Variants in DMD observed in about 807,000 individuals in gnomAD.
The protein encoded by DMD is dystrophin.
In DMD, 63 loss-of-function variants were observed where a neutral mutation model predicts 330.1. The ratio of observed to expected loss-of-function variants is 0.19; its 90% CI spans 0.16 to 0.24. The LOEUF is 0.24. Ranked by LOEUF, DMD falls within the 10% of genes least tolerant of loss-of-function variation. DMD has a pLI of 1.00. For missense variants in DMD, 3,344 were observed against 2,684.1 expected, an observed-to-expected ratio of 1.25 and a Z score of -5.43; for synonymous variants, 1,223 against 959.8, an observed-to-expected ratio of 1.27 and a Z score of -5.07.
intron 7 of DMD, among the ~76,000 whole-genome samples, chrX:32,733,500 C>A (rs752146964): frequency 1.1e-4 from 12 of 110,833 alleles, no homozygotes; most frequent in African/African-American, 1.7e-4. Context: ...CACAACTGAC[C>A]ACATACTTGG....
At chrX:31,303,326 T>G (rs2054795023) in intron 62 of DMD, among the ~76,000 whole-genome samples, 1 of 111,180 alleles carries the variant, frequency 9.0e-6, no homozygotes, top group African/African-American at 3.3e-5. Flanking sequence ...AGGTGCACAC[T>G]ATCTGTCTAT....
intron 44 of DMD, among the ~76,000 whole-genome samples, chrX:32,149,130 C>T (rs762159665): frequency 1.4e-4 from 16 of 111,761 alleles, no homozygotes; most frequent in African/African-American, 4.2e-4. Context: ...ATTCATCTTT[C>T]TTAAATTGAT....
At chrX:32,129,714 A>AGAGAGG (rs1308317038) in intron 44 of DMD, among the ~76,000 whole-genome samples, 3 of 50,870 alleles carry the variant, frequency 5.9e-5, no homozygotes, top group African/African-American at 1.7e-4. Flanking sequence ...ATGGAGAGAG[A>AGAGAGG]GAGAGAGAGG....
chrX:33,210,200 C>A (rs2051819364), intron 1 of DMD, among the ~76,000 whole-genome samples: 1 of 110,032 alleles, frequency 9.1e-6, no homozygotes, highest in South Asian at 3.8e-4. Flanking sequence ...AACTTATTTC[C>A]ACAAAGTTTT....
chrX:31,268,582 T>G (rs776161168), intron 62 of DMD, among the ~76,000 whole-genome samples: 2 of 111,654 alleles, frequency 1.8e-5, no homozygotes, highest in East Asian at 2.8e-4. Context: ...AGTTGTCCCT[T>G]GGTCTAATAG....
At chrX:32,989,958 A>C (rs2092934276) in intron 2 of DMD, among the ~76,000 whole-genome samples, 1 of 111,659 alleles carries the variant, frequency 9.0e-6, no homozygotes, top group Admixed American at 9.6e-5. Context: ...CCTTAGCCTA[A>C]AGGTTTCATA....
At chrX:32,566,258 G>A (rs1351848510) in intron 15 of DMD, among the ~76,000 whole-genome samples, 3 of 111,821 alleles carry the variant, frequency 2.7e-5, no homozygotes, top group Admixed American at 1.9e-4. Flanking sequence ...AATTCCTGAC[G>A]GAATTCAAAC....
chrX:31,241,163 T>G (rs1350301352), intron 63 of DMD, among the ~76,000 whole-genome samples: 2 of 111,654 alleles, frequency 1.8e-5, no homozygotes, highest in Non-Finnish European at 3.8e-5. Context: ...TGGACCAAAC[T>G]CTTTCTTCGG....
At chrX:32,949,288 A>ACG (rs1569545049) in intron 2 of DMD, among the ~76,000 whole-genome samples, 1 of 97,716 alleles carries the variant, frequency 1.0e-5, no homozygotes, top group Non-Finnish European at 2.1e-5. Context: ...ACACACACAC[A>ACG]CACGCACACA....
At chrX:31,933,300 T>G in intron 45 of DMD, among the ~76,000 whole-genome samples, 1 of 111,707 alleles carries the variant, frequency 9.0e-6, no homozygotes, top group East Asian at 2.8e-4. Flanking sequence ...ACTAAATTAT[T>G]ACATGCTAAA....
At chrX:33,056,222 C>CGCATGGTCCTCATCAA (rs1437760863) in intron 1 of DMD, among the ~76,000 whole-genome samples, 2 of 110,907 alleles carry the variant, frequency 1.8e-5, no homozygotes, top group Non-Finnish European at 1.9e-5. Context: ...TAGAAAGTCC[C>CGCATGGTCCTCATCAA]GCATGGTCCT....
chrX:32,486,075 G>A (rs2148594040), intron 20 of DMD, among the ~76,000 whole-genome samples: 1 of 109,522 alleles, frequency 9.1e-6, no homozygotes, highest in African/African-American at 3.3e-5. Flanking sequence ...GGCTGTCCAG[G>A]TTTCCTCTTG....
chrX:33,103,500 AG>A (rs1258962305), intron 1 of DMD, among the ~76,000 whole-genome samples: 1 of 110,727 alleles, frequency 9.0e-6, no homozygotes, highest in Non-Finnish European at 1.9e-5. Context: ...TGGCTCAAAA[AG>A]CTCCCCCACT....
intron 62 of DMD, among the ~76,000 whole-genome samples, chrX:31,274,549 T>A (rs1258051681): frequency 9.0e-6 from 1 of 111,541 alleles, no homozygotes; most frequent in African/African-American, 3.3e-5. Flanking sequence ...TAAGATAAAA[T>A]CCAGTTTAAC....
At chrX:31,134,727 G>T (rs1374164692) in intron 76 of DMD, among the ~76,000 whole-genome samples, 1 of 112,391 alleles carries the variant, frequency 8.9e-6, no homozygotes, top group Non-Finnish European at 1.9e-5. Flanking sequence ...AGCCTACTGC[G>T]TATCTTTTTA....
At chrX:32,307,662 A>G (rs768688395) in intron 42 of DMD, among the ~76,000 whole-genome samples, 39 of 111,667 alleles carry the variant, frequency 3.5e-4, no homozygotes, top group African/African-American at 1.2e-3. Context: ...TGCTTTTAGG[A>G]TAAGCTTTCA....
rs145675434 is a variant in DMD at position 33,098,548 on chromosome X, G to A, written c.32-78348C>T. ...GGCACTAAAGACTTATAACTTGAGT[G>A]CTTTTCAAAGGTGTGTGGAGGCTGT... On this transcript the variant is annotated intron_variant, in intron 1 of 78. Coordinates refer to ENST00000357033, the MANE Select transcript of DMD (RefSeq NM_004006.3). Among the ~76,000 whole-genome samples the A allele has an allele frequency of 2.7e-3, 299 of 111,115 alleles. 3 individuals carry two copies. Among genetic ancestry groups the A allele is most frequent in the Admixed American group, 3.7e-3 (38 of 10,340 alleles).
chrX:32,340,025 A>T (rs2097733544), intron 41 of DMD, among the ~76,000 whole-genome samples: 1 of 111,807 alleles, frequency 8.9e-6, no homozygotes, highest in Non-Finnish European at 1.9e-5. Flanking sequence ...GGGAAAGATA[A>T]CTCTAATCAG....
At chrX:31,758,248 A>G (rs1021704186) in intron 51 of DMD, among the ~76,000 whole-genome samples, 2 of 111,463 alleles carry the variant, frequency 1.8e-5, no homozygotes, top group Non-Finnish European at 3.8e-5. Flanking sequence ...CTCCTTTATC[A>G]AGTACTTGGG....
Sources: gnomAD v4.1 joint callset for allele counts (sites outside exome capture counted in the v4.1 genomes callset) on GRCh38, gnomAD v4.1.1 for gene constraint, MANE v1.5 for transcripts, NCBI Gene and HGNC (gene_info 2026-07-23, HGNC 2026-07-21) for gene names.